Variants in MBNL1 observed in about 807,000 individuals in gnomAD.
The protein encoded by MBNL1 is muscleblind-like protein 1.
MBNL1 carries 8 observed loss-of-function variants against 42.2 expected under a neutral mutation model. The observed-to-expected ratio is 0.19, with a 90% confidence interval of 0.11 to 0.34. The LOEUF (loss-of-function observed/expected upper bound fraction) is 0.34, where lower values mean the gene tolerates loss of function less well. Ranked by LOEUF, MBNL1 falls within the 10% of genes least tolerant of loss-of-function variation. The pLI is 1.00. For synonymous variants in MBNL1, 169 were observed against 173.9 expected, an observed-to-expected ratio of 0.97 and a Z score of 0.22; for missense variants, 309 against 495.3, an observed-to-expected ratio of 0.62 and a Z score of 3.57.
intron 2 of MBNL1, among the ~76,000 whole-genome samples, chr3:152,315,354 A>T (rs766364597): frequency 6.6e-6 from 1 of 152,178 alleles, no homozygotes; most frequent in African/African-American, 2.4e-5. Flanking sequence ...GTCATGTTTT[A>T]TTGAGAAAAA....
At chr3:152,272,420 A>G (rs1367104662) in intron 1 of MBNL1, among the ~76,000 whole-genome samples, 1 of 152,164 alleles carries the variant, frequency 6.6e-6, no homozygotes, top group Non-Finnish European at 1.5e-5. Flanking sequence ...ATTGTTACTT[A>G]GGAACATTTT....
intron 5 of MBNL1, among the ~76,000 whole-genome samples, chr3:152,447,290 G>A (rs558976941): frequency 1.3e-5 from 2 of 152,128 alleles, no homozygotes; most frequent in Non-Finnish European, 2.9e-5. Context: ...CTCGCAGTGC[G>A]GCTTTTCTTC....
At chr3:152,356,880 T>TGTGTGTGTG (rs1553865138) in intron 2 of MBNL1, among the ~76,000 whole-genome samples, 3 of 151,612 alleles carry the variant, frequency 2.0e-5, no homozygotes, top group Non-Finnish European at 4.4e-5. Context: ...TGTGTGTGTG[T>TGTGTGTGTG]TCTTACTGTA....
intron 2 of MBNL1, among the ~76,000 whole-genome samples, chr3:152,322,432 C>T (rs540105490): frequency 3.3e-5 from 5 of 151,950 alleles, no homozygotes; most frequent in African/African-American, 9.7e-5. Context: ...TAAAAATTGA[C>T]GCAGCTCCCT....
intron 2 of MBNL1, among the ~76,000 whole-genome samples, chr3:152,312,555 T>A (rs761389093): frequency 5.3e-5 from 8 of 152,248 alleles, no homozygotes; most frequent in Non-Finnish European, 1.2e-4. Context: ...TTAGTATTGA[T>A]TGTTCTTATC....
intron 9 of MBNL1, among the ~76,000 whole-genome samples, 189 bp downstream of exon 9, chr3:152,459,534 A>T (rs1221270428): frequency 6.6e-6 from 1 of 152,234 alleles, no homozygotes; most frequent in African/African-American, 2.4e-5. Flanking sequence ...ACTTAAATAT[A>T]CAAAGTACTA....
chr3:152,413,826 G>A (rs2098644467), intron 2 of MBNL1, among the ~76,000 whole-genome samples: 2 of 152,098 alleles, frequency 1.3e-5, no homozygotes, highest in South Asian at 4.1e-4. Flanking sequence ...GATATGATTT[G>A]AAAATATGTT....
At chr3:152,246,220 A>G (rs2032971081) in intron 2 of MBNL1, among the ~76,000 whole-genome samples, 1 of 152,230 alleles carries the variant, frequency 6.6e-6, no homozygotes, top group South Asian at 2.1e-4. Flanking sequence ...GTAATATACT[A>G]AATAATGGCT....
chr3:152,307,334 A>G lies in MBNL1; in HGVS notation c.174+6967A>G, dbSNP rs576311183. On this transcript the variant is annotated intron_variant, in intron 2 of 9. Coordinates refer to ENST00000324210, the MANE Select transcript of MBNL1 (RefSeq NM_021038.5). ...ACAGTCACATTTTTATAACTGGAAT[A>G]TAGCAGAAATGCCATGTCATTAAAA... is the stretch of plus-strand genomic sequence containing the variant. Among the ~76,000 whole-genome samples, 110 of 152,348 alleles carry G rather than the reference A, an allele frequency of 7.2e-4. 1 individual carries two copies. Among genetic ancestry groups the G allele is most frequent in the Non-Finnish European group, 1.3e-3 (87 of 68,024 alleles).
intron 1 of MBNL1, among the ~76,000 whole-genome samples, chr3:152,295,026 C>T (rs571309718): frequency 6.6e-6 from 1 of 152,306 alleles, no homozygotes; most frequent in South Asian, 2.1e-4. Flanking sequence ...AGGGCAGGCA[C>T]ATACATTATC....
At chr3:152,329,452 C>T (rs1222934628) in intron 2 of MBNL1, among the ~76,000 whole-genome samples, 1 of 151,256 alleles carries the variant, frequency 6.6e-6, no homozygotes, top group East Asian at 1.9e-4. Context: ...CATAGTGAGA[C>T]TCTGTCTCTA....
intron 4 of MBNL1, among the ~76,000 whole-genome samples, chr3:152,435,032 CTTTAG>C (rs1376645189): frequency 1.3e-5 from 2 of 150,998 alleles, no homozygotes; most frequent in African/African-American, 4.9e-5. Context: ...TGTAGAAGCT[CTTTAG>C]TTTAATTAGA....
chr3:152,248,301 G>C (rs566878355), intron 2 of MBNL1, among the ~76,000 whole-genome samples: 126 of 152,062 alleles, frequency 8.3e-4, no homozygotes, highest in African/African-American at 2.7e-3. Flanking sequence ...TGATGGCAGT[G>C]AGTTTTCTTA....
intron 8 of MBNL1, chr3:152,458,657 A>C (rs1738682713): frequency 6.2e-6 from 1 of 162,274 alleles, no homozygotes; most frequent in Non-Finnish European, 1.4e-5. Flanking sequence ...AAATAAGTCA[A>C]CTCTATATTG....
chr3:152,340,893 G>A, intron 2 of MBNL1: 2 of 1,610,852 alleles, frequency 1.2e-6, no homozygotes, highest in Non-Finnish European at 1.7e-6. Context: ...GTGGGCCAGG[G>A]TCCATCTGCA....
intron 2 of MBNL1, among the ~76,000 whole-genome samples, chr3:152,374,232 A>G (rs995667303): frequency 6.6e-6 from 1 of 152,252 alleles, no homozygotes; most frequent in African/African-American, 2.4e-5. Flanking sequence ...ACTTTTTAAA[A>G]GTATGATACT....
intron 1 of MBNL1, among the ~76,000 whole-genome samples, chr3:152,298,052 C>G (rs115617023): frequency 0.015 from 2,292 of 152,124 alleles, 51 homozygotes; most frequent in African/African-American, 0.052. Flanking sequence ...GTTAAAATGG[C>G]AATATTAATC....
intron 4 of MBNL1, among the ~76,000 whole-genome samples, chr3:152,433,846 T>C (rs2153775318): frequency 6.6e-6 from 1 of 152,166 alleles, no homozygotes; most frequent in South Asian, 2.1e-4. Flanking sequence ...ATGAAAAAGA[T>C]ATTAAAGTTT....
At chr3:152,293,104 G>A (rs1045112401) in intron 1 of MBNL1, among the ~76,000 whole-genome samples, 1 of 152,076 alleles carries the variant, frequency 6.6e-6, no homozygotes, top group African/African-American at 2.4e-5. Context: ...TTCTTCCTAA[G>A]TTATAATATT....
Sources: gnomAD v4.1 joint callset for allele counts (sites outside exome capture counted in the v4.1 genomes callset) on GRCh38, gnomAD v4.1.1 for gene constraint, MANE v1.5 for transcripts, NCBI Gene and HGNC (gene_info 2026-07-23, HGNC 2026-07-21) for gene names.